Variants in VWA5A observed in about 807,000 individuals in gnomAD.
The protein encoded by VWA5A is von Willebrand factor A domain-containing protein 5A.
A neutral mutation model predicts 84.6 loss-of-function variants in VWA5A; 77 were observed. The ratio of observed to expected loss-of-function variants is 0.91; its 90% CI spans 0.76 to 1.10. VWA5A has a LOEUF of 1.10. Ranked by LOEUF, VWA5A falls within the 50% of genes least tolerant of loss-of-function variation. The pLI, the probability that VWA5A is intolerant of heterozygous loss-of-function variation, is 0.00. For synonymous variants in VWA5A, 334 were observed against 350.1 expected, an observed-to-expected ratio of 0.95 and a Z score of 0.51; for missense variants, 973 against 963.0, an observed-to-expected ratio of 1.01 and a Z score of -0.14.
At chr11:124,141,061 AT>A (rs1860717689) in intron 15 of VWA5A, among the ~76,000 whole-genome samples, 1 of 152,188 alleles carries the variant, frequency 6.6e-6, no homozygotes, top group African/African-American at 2.4e-5. Flanking sequence ...TCTCAAGATG[AT>A]GGTAGGCCTT....
intron 17 of VWA5A, among the ~76,000 whole-genome samples, chr11:124,144,878 G>A (rs1354507174): frequency 3.3e-5 from 5 of 151,958 alleles, no homozygotes; most frequent in African/African-American, 4.8e-5. Context: ...GATTTCTTTG[G>A]TGGGGGGGTA....
At chr11:124,125,520 T>C (rs547220969) in intron 11 of VWA5A, among the ~76,000 whole-genome samples, 1 of 152,280 alleles carries the variant, frequency 6.6e-6, no homozygotes, top group Non-Finnish European at 1.5e-5. Flanking sequence ...CCTGACCTCT[T>C]GATCTGCCCG....
chr11:124,117,365 A>C, intron 2 of VWA5A, 132 bp from the exon 3 acceptor site: 1 of 862,868 alleles, frequency 1.2e-6, no homozygotes. Flanking sequence ...TTTTTTTTAA[A>C]GGTTCCAACT....
Position 124,137,029 on chromosome 11 carries a change from G to A in VWA5A, c.1640G>A (p.Arg547His), listed in dbSNP as rs80346420. 1,183 of 1,606,994 alleles carry A rather than the reference G, an allele frequency of 7.4e-4. No individual in the cohort carries two copies. The highest frequency in any genetic ancestry group is 2.2e-3 in the African/African-American group (161 of 73,180). ...PKPDVNLTIH[R>H]LAAKSLLQTK... Reference sequence around the variant, plus strand: ...TTTCCTTTCAGCCTCACCATTCACCGCCTTGCTGCCAAGTCCTTGCTCCAG... The same window carrying A: ...TTTCCTTTCAGCCTCACCATTCACCACCTTGCTGCCAAGTCCTTGCTCCAG... Residue 547 changes from arginine to histidine, a missense_variant, in exon 15 of 19, where the codon CGC becomes CAC. Coordinates refer to ENST00000456829, the MANE Select transcript of VWA5A (RefSeq NM_001130142.2).
At chr11:124,118,837 A>G (rs1864884964) in intron 6 of VWA5A, 129 bp downstream of exon 6, 1 of 1,355,760 alleles carries the variant, frequency 7.4e-7, no homozygotes, top group East Asian at 2.5e-5. Flanking sequence ...TCGTCATTTA[A>G]TCTCCAGAGC....
intron 15 of VWA5A, 30 bp downstream of exon 15, chr11:124,137,298 A>G (rs1408191061): frequency 1.2e-6 from 2 of 1,600,706 alleles, no homozygotes; most frequent in East Asian, 4.5e-5. Context: ...TCAAACTCAT[A>G]TAGAATAAAA....
Position 124,135,537 on chromosome 11 carries a change from T to TTTTC in VWA5A, c.1359+506_1359+507insCTTT, listed in dbSNP as rs1248182139. ...GGTGGTATTTCTTTTTTTTTTTTTTTTTTTTTTTTCTGAGACGGAGTCTCG... is the reference window on the plus strand; with the variant it reads ...GGTGGTATTTCTTTTTTTTTTTTTTTTTTCTTTTTTTTTCTGAGACGGAGTCTCG... On this transcript the variant is annotated intron_variant, in intron 12 of 18. Coordinates refer to ENST00000456829, the MANE Select transcript of VWA5A (RefSeq NM_001130142.2). 5.9e-4 allele frequency among the ~76,000 whole-genome samples: 82 copies of TTTTC among 139,042 alleles called. 1 individual carries two copies. The highest frequency in any genetic ancestry group is 1.1e-3 in the Non-Finnish European group (68 of 63,242). 91.2% of individuals were successfully genotyped at this position (139,042 alleles called of 152,430 possible). A position where few individuals can be genotyped will look rare whatever the true frequency, so the allele number is the denominator to read the frequency against.
chr11:124,147,603 A>C lies in VWA5A; in HGVS notation c.*1658A>C, dbSNP rs1267936659. ...CAGCTTTTTAGAAATGCAGAATTTTAATCGATACCAGGAACTACTTTATTT... is the reference window on the plus strand; with the variant it reads ...CAGCTTTTTAGAAATGCAGAATTTTCATCGATACCAGGAACTACTTTATTT... On this transcript the variant is annotated 3_prime_UTR_variant, in exon 19 of 19. Transcript: ENST00000456829. The C allele has an allele frequency of 6.6e-6, 1 of 152,252 alleles. No individual in the cohort carries two copies. The highest frequency in any genetic ancestry group is 1.5e-5 in the Non-Finnish European group (1 of 68,048). 9.4% of individuals were successfully genotyped at this position (152,252 alleles called of 1,614,324 possible). A position where few individuals can be genotyped will look rare whatever the true frequency, so the allele number is the denominator to read the frequency against.
chr11:124,130,117 A>G (rs1221090782), intron 11 of VWA5A, among the ~76,000 whole-genome samples: 1 of 152,172 alleles, frequency 6.6e-6, no homozygotes, highest in Non-Finnish European at 1.5e-5. Context: ...GTGGGCATTT[A>G]GTGCTATAAA....
At chr11:124,143,995 A>G (rs1860774592) in intron 17 of VWA5A, among the ~76,000 whole-genome samples, 1 of 152,124 alleles carries the variant, frequency 6.6e-6, no homozygotes, top group Non-Finnish European at 1.5e-5. Context: ...ATTGATTTCA[A>G]ACATGAAACA....
chr11:124,124,258 G>T lies in VWA5A; in HGVS notation c.1186G>T (p.Glu396Ter). ...ATAGCTTTTTGTCTTTACAGATGGAGAAGTTACAGACACGTTTAGTGTAAT... is the reference window on the plus strand; with the variant it reads ...ATAGCTTTTTGTCTTTACAGATGGATAAGTTACAGACACGTTTAGTGTAAT... ...PLQLFVFTDGEVTDTFSVIKE... is the reference protein window; with the variant it reads ...PLQLFVFTDG Residue 396 changes from glutamate to a stop codon, truncating the protein, a stop_gained, in exon 11 of 19, where the codon GAA becomes TAA. Coordinates refer to ENST00000456829, the MANE Select transcript of VWA5A (RefSeq NM_001130142.2). LOFTEE classifies it high-confidence loss of function. The T allele has an allele frequency of 6.2e-7, 1 of 1,613,962 alleles. No individual in the cohort carries two copies. Among genetic ancestry groups the T allele is most frequent in the Non-Finnish European group, 8.5e-7 (1 of 1,179,946 alleles).
At chr11:124,132,136 T>C (rs1036668692) in intron 11 of VWA5A, among the ~76,000 whole-genome samples, 1 of 152,116 alleles carries the variant, frequency 6.6e-6, no homozygotes, top group African/African-American at 2.4e-5. Flanking sequence ...TTTTAAAGTG[T>C]GAATTCTAAT....
intron 8 of VWA5A, 76 bp from the exon 9 acceptor site, chr11:124,123,290 C>G: frequency 6.5e-7 from 1 of 1,533,080 alleles, no homozygotes; most frequent in Non-Finnish European, 8.9e-7. Context: ...CCCACATCCT[C>G]AAGAGTCGAT....
In VWA5A at chr11:124,131,149, G is replaced by A. The variant is rs112108802; in HGVS notation, c.1245-3771G>A. Among the ~76,000 whole-genome samples the A allele has an allele frequency of 3.8e-3, 581 of 151,722 alleles. 3 individuals carry two copies. Among genetic ancestry groups the A allele is most frequent in the Non-Finnish European group, 5.8e-3 (394 of 67,846 alleles). ...GAAACTGTGGATACTATACCAAACC[G>A]TATATGTACCAATTTTTTTATACAT... is the stretch of plus-strand genomic sequence containing the variant. On this transcript the variant is annotated intron_variant, in intron 11 of 18. Transcript: ENST00000456829.
At position 124,141,709 on chromosome 11, in the gene VWA5A, G is replaced by A; in HGVS notation, c.1991G>A (p.Gly664Glu). 1 of 1,614,150 alleles carries A rather than the reference G, an allele frequency of 6.2e-7. No homozygotes were observed. The highest frequency in any genetic ancestry group is 8.5e-7 in the Non-Finnish European group (1 of 1,180,032). Residue 664 changes from glycine to glutamate, a missense_variant, in exon 16 of 19, where the codon GGG becomes GAG. Gly to Glu is a moderately conservative substitution (Grantham distance 98). Coordinates refer to ENST00000456829, the MANE Select transcript of VWA5A (RefSeq NM_001130142.2). Reference protein sequence around the residue: ...TFQMDDYSLCGLISHKDQHSP... With the variant: ...TFQMDDYSLCELISHKDQHSP... ...CAGATGGACGATTACAGTCTCTGTG[G>A]GTTGATAAGTCACAAGGACCAGCAC...
intron 15 of VWA5A, among the ~76,000 whole-genome samples, chr11:124,137,782 A>G (rs1332634658): frequency 6.6e-6 from 1 of 152,154 alleles, no homozygotes; most frequent in Admixed American, 6.6e-5. Flanking sequence ...CCTCTCCACC[A>G]GTCCCAGTAA....
rs780552792 is a variant in VWA5A, at chr11:124,136,204, C to T, written c.1435C>T (p.Leu479=). Residue 479 remains leucine (L), a synonymous_variant, in exon 13 of 19, where the codon CTG becomes TTG. Coordinates refer to ENST00000456829, the MANE Select transcript of VWA5A (RefSeq NM_001130142.2). ...VSLSWHLPPG[L]SAKMLSPEQT... ...TCTGAGCTGGCATTTGCCTCCTGGT[C>T]TGTCTGCTAAAATGCTTTCCCCAGA... is the stretch of plus-strand genomic sequence containing the variant. The T allele has an allele frequency of 6.2e-7, 1 of 1,614,214 alleles. No homozygotes were observed. The highest frequency in any genetic ancestry group is 8.5e-7 in the Non-Finnish European group (1 of 1,180,042).
Position 124,116,675 on chromosome 11 carries a change from C to T in VWA5A, c.-21C>T, listed in dbSNP as rs1017865146. ...CTGCCACTGTCCTCTGCGTTGCTGT[C>T]GAATTGTGAGTCATTTTGCCACACT... is the stretch of plus-strand genomic sequence containing the variant. On this transcript the variant is annotated 5_prime_UTR_variant, in exon 2 of 19. Coordinates refer to ENST00000456829, the MANE Select transcript of VWA5A (RefSeq NM_001130142.2). The T allele has an allele frequency of 7.2e-5, 11 of 152,154 alleles. No individual in the cohort carries two copies. The highest frequency in any genetic ancestry group is 5.2e-4 in the Admixed American group (8 of 15,272). The allele number at this position is 152,154 out of a possible 1,614,324, so 9.4% of individuals were successfully genotyped here. A position where few individuals can be genotyped will look rare whatever the true frequency, so the allele number is the denominator to read the frequency against.
rs1339336035 is a variant in VWA5A, at chr11:124,134,947, C to T, written c.1272C>T (p.Gly424=). 2.5e-6 allele frequency: 4 copies of T among 1,613,032 alleles called. No individual in the cohort carries two copies. The highest frequency in any genetic ancestry group is 3.4e-6 in the Non-Finnish European group (4 of 1,179,610). ...GTTTCTCATTTGGTATTGGAGAAGG[C>T]ACCTCCACCAGCCTAATAAAAGGTA... ...HRCFSFGIGE[G]TSTSLIKGIA... The change falls in exon 12 of 19, where the codon GGC becomes GGT. Residue 424 remains glycine (G), a synonymous_variant. Coordinates refer to ENST00000456829, the MANE Select transcript of VWA5A (RefSeq NM_001130142.2).
Sources: gnomAD v4.1 joint callset for allele counts (sites outside exome capture counted in the v4.1 genomes callset) on GRCh38, gnomAD v4.1.1 for gene constraint, MANE v1.5 for transcripts, NCBI Gene and HGNC (gene_info 2026-07-23, HGNC 2026-07-21) for gene names.